CPAMD8: variants seen among roughly 807,000 people sequenced by gnomAD.
CPAMD8 encodes the protein C3 and PZP like alpha-2-macroglobulin domain containing 8, also known as C3 and PZP-like alpha-2-macroglobulin domain-containing protein 8.
A neutral mutation model predicts 224.7 loss-of-function variants in CPAMD8; 146 were observed. That is an observed-to-expected ratio of 0.65 (90% CI 0.57 to 0.75). The LOEUF is 0.75. Among genes scored for constraint, CPAMD8 ranks in the 30% least tolerant of loss-of-function variants. The probability of loss-of-function intolerance (pLI) is 0.00; values close to 1 mark genes in which losing one functional copy is unlikely to be tolerated. For synonymous variants in CPAMD8, 966 were observed against 1,044.6 expected, an observed-to-expected ratio of 0.92 and a Z score of 1.45; for missense variants, 2,301 against 2,537.5, an observed-to-expected ratio of 0.91 and a Z score of 2.00.
intron 9 of CPAMD8, among the ~76,000 whole-genome samples, chr19:17,001,299 C>T (rs12979168): frequency 2.3e-5 from 3 of 128,132 alleles, no homozygotes; most frequent in Non-Finnish European, 4.7e-5. Context: ...CCAGCCTGGG[C>T]GACAGAGTAA....
intron 3 of CPAMD8, among the ~76,000 whole-genome samples, chr19:17,015,526 G>A (rs778306881): frequency 2.1e-4 from 32 of 152,122 alleles, no homozygotes; most frequent in Non-Finnish European, 4.6e-4. Context: ...CCTCCTGTCT[G>A]CTCTGAACAG....
intron 21 of CPAMD8, among the ~76,000 whole-genome samples, chr19:16,946,512 G>T (rs1425130145): frequency 3.8e-5 from 4 of 106,178 alleles, no homozygotes; most frequent in Non-Finnish European, 7.6e-5. Flanking sequence ...TGTGTGTGTG[G>T]ATTTGTGTGT....
At position 16,899,637 on chromosome 19, in the gene CPAMD8, G is replaced by C; in HGVS notation, c.4774-88C>G. On this transcript the variant is annotated intron_variant, in intron 36 of 41. Coordinates refer to ENST00000443236, the MANE Select transcript of CPAMD8 (RefSeq NM_015692.5). The surrounding 1 kb of genome is among the most constrained non-coding windows in gnomAD (Gnocchi z 5.4). ...GGGGGCAGTGGTCAGTGGGATGCTT[G>C]GACTTGCCCACAAGTTACCATGGGC... 1 of 751,672 alleles carries C rather than the reference G, an allele frequency of 1.3e-6. No individual in the cohort carries two copies. Among genetic ancestry groups the C allele is most frequent in the Non-Finnish European group, 2.4e-6 (1 of 411,832 alleles). 46.6% of individuals were successfully genotyped at this position (751,672 alleles called of 1,614,324 possible).
chr19:17,011,422 G>A, intron 5 of CPAMD8, 42 bp downstream of exon 5: 1 of 1,611,096 alleles, frequency 6.2e-7, no homozygotes, highest in South Asian at 1.1e-5. Flanking sequence ...GTAGTCCCAA[G>A]TGGGTGCACT....
At chr19:17,021,316 A>G (rs1353163970) in intron 2 of CPAMD8, among the ~76,000 whole-genome samples, 3 of 152,124 alleles carry the variant, frequency 2.0e-5, no homozygotes, top group Non-Finnish European at 4.4e-5. Flanking sequence ...CCAAGTCAGG[A>G]GTGCCTGGTT....
At position 17,011,457 on chromosome 19, in the gene CPAMD8, A is replaced by ATC; in HGVS notation, c.486+5_486+6dup. On this transcript the variant is annotated splice_region_variant and intron_variant, in intron 5 of 41. Transcript: ENST00000443236. ...TCCGGGCCCGCGGTTTTAGAAGCTG[A>ATC]TCTCACCTTCTCGTTGACAGGCCTC... 1 of 1,614,228 alleles carries ATC rather than the reference A, an allele frequency of 6.2e-7. No homozygotes were observed. Among genetic ancestry groups the ATC allele is most frequent in the Non-Finnish European group, 8.5e-7 (1 of 1,180,040 alleles).
chr19:16,911,991 C>G (rs1446283430), intron 29 of CPAMD8, among the ~76,000 whole-genome samples: 1 of 152,150 alleles, frequency 6.6e-6, no homozygotes, highest in Non-Finnish European at 1.5e-5. Context: ...TTGCACACTC[C>G]TTATGAGAAT....
chr19:16,940,444 C>T (rs2053849658), intron 22 of CPAMD8, among the ~76,000 whole-genome samples: 1 of 140,896 alleles, frequency 7.1e-6, no homozygotes, highest in Admixed American at 7.3e-5. Flanking sequence ...CTCTGGGCCC[C>T]CATTTCTTCA....
At chr19:16,973,286 G>A (rs2055129684) in intron 17 of CPAMD8, among the ~76,000 whole-genome samples, 1 of 152,206 alleles carries the variant, frequency 6.6e-6, no homozygotes, top group African/African-American at 2.4e-5. Context: ...TTTTCTGCAT[G>A]TTTGGAAATT....
intron 21 of CPAMD8, among the ~76,000 whole-genome samples, chr19:16,946,740 C>CGT (rs1243074496): frequency 3.3e-5 from 4 of 119,694 alleles, no homozygotes; most frequent in African/African-American, 9.8e-5. Context: ...CACATGTGGA[C>CGT]GTGTGTGTGT....
rs2056557340 is a variant in CPAMD8, at chr19:17,008,566, G to A, written c.505-7C>T. 5.6e-6 allele frequency: 9 copies of A among 1,614,116 alleles called. No individual in the cohort carries two copies. The highest frequency in any genetic ancestry group is 6.8e-6 in the Non-Finnish European group (8 of 1,180,026). On this transcript the variant is annotated splice_polypyrimidine_tract_variant and splice_region_variant and intron_variant, in intron 6 of 41. Coordinates refer to ENST00000443236, the MANE Select transcript of CPAMD8 (RefSeq NM_015692.5). ...TCCGAGAGCCTCGGGGGTCCTGTTGGTGGTGGAGGGGGACAGACACACGGA... is the reference window on the plus strand; with the variant it reads ...TCCGAGAGCCTCGGGGGTCCTGTTGATGGTGGAGGGGGACAGACACACGGA...
chr19:17,013,777 T>C (rs62126009), intron 3 of CPAMD8, among the ~76,000 whole-genome samples: 26,929 of 151,656 alleles, frequency 0.18, 3,052 homozygotes, highest in South Asian at 0.37. Context: ...TTATATGTTT[T>C]AGAATGGTTA....
chr19:16,997,288 C>T lies in CPAMD8; in HGVS notation c.918G>A (p.Ala306=), dbSNP rs112680414. 0.043 allele frequency: 68,133 copies of T among 1,582,438 alleles called. 1,730 individuals are homozygous for T. The highest frequency in any genetic ancestry group is 0.09 in the African/African-American group (6,671 of 74,518). ...TGCCCCGGAAGTGCTCAGGGACGTC[C>T]GCTGGGATCATGTCCCTCACGCAGA... The part of the protein sequence containing the change: ...FDICVRDMIP[A]DVPEHFRGRV... The change falls in exon 11 of 42, where the codon GCG becomes GCA. Residue 306 remains alanine, a synonymous_variant. Transcript: ENST00000443236.
intron 18 of CPAMD8, among the ~76,000 whole-genome samples, chr19:16,966,209 T>C (rs529861201): frequency 1.0e-3 from 152 of 152,318 alleles, no homozygotes; most frequent in African/African-American, 3.4e-3. Flanking sequence ...CCATCTGATC[T>C]TTGACAAACC....
intron 12 of CPAMD8, among the ~76,000 whole-genome samples, chr19:16,990,820 G>A (rs1053313067): frequency 5.4e-5 from 7 of 130,718 alleles, no homozygotes; most frequent in African/African-American, 1.5e-4. Context: ...CTGGAATCAC[G>A]CCATTGCATT....
At chr19:16,958,198 T>G (rs559112735) in intron 18 of CPAMD8, among the ~76,000 whole-genome samples, 58 of 152,312 alleles carry the variant, frequency 3.8e-4, no homozygotes, top group African/African-American at 1.2e-3. Context: ...TCATGGGGGT[T>G]TGTTGTACAG....
At chr19:16,895,989 G>A (rs375227220) in intron 41 of CPAMD8, 187 bp downstream of exon 41, 760 of 728,910 alleles carry the variant, frequency 1.0e-3, no homozygotes, top group Non-Finnish European at 1.7e-3. Flanking sequence ...AGGGTGGAGG[G>A]AGGATGAATG....
rs1337657820 is a variant in CPAMD8 at position 16,907,207 on chromosome 19, G to C, written c.3862-90C>G. 1.2e-5 allele frequency: 17 copies of C among 1,412,202 alleles called. No homozygotes were observed. In the South Asian group the frequency reaches 2.3e-4, roughly 19 times the overall value. The allele number at this position is 1,412,202 out of a possible 1,614,324, so 87.5% of individuals were successfully genotyped here. A position where few individuals can be genotyped will look rare whatever the true frequency, so the allele number is the denominator to read the frequency against. ...GGCTTCTGAGGCATCCCCGAGGAGA[G>C]CTCTGGGTGACTCCTAGCCCCTTGC... On this transcript the variant is annotated intron_variant, in intron 29 of 41. Coordinates refer to ENST00000443236, the MANE Select transcript of CPAMD8 (RefSeq NM_015692.5).
intron 30 of CPAMD8, among the ~76,000 whole-genome samples, chr19:16,905,464 C>T (rs1257414498): frequency 3.5e-5 from 5 of 142,662 alleles, no homozygotes; most frequent in Admixed American, 7.4e-5. Flanking sequence ...GCCTGTAATC[C>T]TGGCTACTTG....
Sources: gnomAD v4.1 joint callset for allele counts (sites outside exome capture counted in the v4.1 genomes callset) on GRCh38, gnomAD v4.1.1 for gene constraint, Gnocchi (gnomAD v3.1) non-coding constraint, MANE v1.5 for transcripts, NCBI Gene and HGNC (gene_info 2026-07-23, HGNC 2026-07-21) for gene names.